KREMEN1: variants seen among roughly 807,000 people sequenced by gnomAD.
KREMEN1 encodes kremen protein 1.
In KREMEN1, 30 loss-of-function variants were observed where a neutral mutation model predicts 46.5. The ratio of observed to expected loss-of-function variants is 0.65; its 90% CI spans 0.48 to 0.88. The LOEUF is 0.88. Ranked by LOEUF, KREMEN1 falls within the 40% of genes least tolerant of loss-of-function variation. The probability of loss-of-function intolerance (pLI) is 0.00; values close to 1 mark genes in which losing one functional copy is unlikely to be tolerated. For missense variants in KREMEN1, 533 were observed against 596.9 expected, an observed-to-expected ratio of 0.89 and a Z score of 1.11; for synonymous variants, 214 against 230.6, an observed-to-expected ratio of 0.93 and a Z score of 0.65.
intron 1 of KREMEN1, among the ~76,000 whole-genome samples, chr22:29,083,958 A>C (rs2037695585): frequency 6.6e-6 from 1 of 152,168 alleles, no homozygotes; most frequent in South Asian, 2.1e-4. Context: ...CTGGTTGGCT[A>C]TTTTTATGGT....
rs2145859167 is a variant in KREMEN1, at chr22:29,144,615, T to C, written c.*2503T>C. On this transcript the variant is annotated 3_prime_UTR_variant, in exon 9 of 9. Transcript: ENST00000400335. Reference sequence around the variant, plus strand: ...CTGTTTGTGGAATCTCTCTCAAACATAAGTGTCAGGTGTGTGTCGTCCCAA... The same window carrying C: ...CTGTTTGTGGAATCTCTCTCAAACACAAGTGTCAGGTGTGTGTCGTCCCAA... 1 of 985,494 alleles carries C rather than the reference T, an allele frequency of 1.0e-6. No homozygotes were observed. Among genetic ancestry groups the C allele is most frequent in the Non-Finnish European group, 1.2e-6 (1 of 829,978 alleles). 61.0% of individuals were successfully genotyped at this position (985,494 alleles called of 1,614,324 possible). A position where few individuals can be genotyped will look rare whatever the true frequency, so the allele number is the denominator to read the frequency against.
At chr22:29,079,500 G>C (rs942881933) in intron 1 of KREMEN1, among the ~76,000 whole-genome samples, 4 of 152,230 alleles carry the variant, frequency 2.6e-5, no homozygotes, top group African/African-American at 9.6e-5. Context: ...CCACAAGGGC[G>C]GGGCCCTGCT....
chr22:29,125,158 G>T, intron 4 of KREMEN1, 105 bp from the exon 5 acceptor site: 1 of 1,294,258 alleles, frequency 7.7e-7, no homozygotes. Flanking sequence ...GGGACCCTGG[G>T]AAGTTGAGGC....
At chr22:29,098,760 A>G (rs1189978816) in intron 2 of KREMEN1, 102 bp from the exon 3 acceptor site, 2 of 860,122 alleles carry the variant, frequency 2.3e-6, no homozygotes, top group Middle Eastern at 2.2e-4. Context: ...TATTAGAAAT[A>G]ATACAGAAGC....
intron 1 of KREMEN1, among the ~76,000 whole-genome samples, chr22:29,081,610 TGC>T (rs1229170985): frequency 6.6e-6 from 1 of 152,202 alleles, no homozygotes; most frequent in African/African-American, 2.4e-5. Context: ...TTATTCTTAT[TGC>T]TCCAAGTGAC....
At chr22:29,106,133 G>A (rs2038055575) in intron 3 of KREMEN1, among the ~76,000 whole-genome samples, 1 of 152,138 alleles carries the variant, frequency 6.6e-6, no homozygotes, top group Non-Finnish European at 1.5e-5. Flanking sequence ...CACTTTCTGT[G>A]TTTTAATGTC....
At chr22:29,164,522 C>T (rs2039037046) in intron 9 of KREMEN1, among the ~76,000 whole-genome samples, 1 of 152,068 alleles carries the variant, frequency 6.6e-6, no homozygotes, top group Non-Finnish European at 1.5e-5. Context: ...CCAAGGCAGG[C>T]AGATCATGAG....
At chr22:29,089,459 C>CA (rs1185967283) in intron 1 of KREMEN1, among the ~76,000 whole-genome samples, 1 of 152,160 alleles carries the variant, frequency 6.6e-6, no homozygotes, top group African/African-American at 2.4e-5. Flanking sequence ...CCACAGCTGC[C>CA]AGCCTAGTCC....
At chr22:29,099,385 C>T (rs12628787) in intron 3 of KREMEN1, 13,874 of 160,244 alleles carry the variant, frequency 0.087, 828 homozygotes, top group African/African-American at 0.16. Context: ...AAATGCCTTG[C>T]TAAATACCAT....
downstream of KREMEN1, among the ~76,000 whole-genome samples, chr22:29,148,185 A>G (rs1383356373): frequency 6.6e-6 from 1 of 152,116 alleles, no homozygotes; most frequent in Non-Finnish European, 1.5e-5. Flanking sequence ...TCGCTGTGGG[A>G]CACTGAGGCA....
chr22:29,117,620 G>C (rs2145804950), intron 3 of KREMEN1, among the ~76,000 whole-genome samples: 1 of 151,940 alleles, frequency 6.6e-6, no homozygotes, highest in East Asian at 1.9e-4. Context: ...CTTTGGAATT[G>C]TATAATACAT....
chr22:29,105,003 C>T (rs530700683), intron 3 of KREMEN1, among the ~76,000 whole-genome samples: 15 of 152,152 alleles, frequency 9.9e-5, no homozygotes, highest in African/African-American at 2.7e-4. Context: ...TTGTACAAAA[C>T]GGGGGACACA....
chr22:29,085,029 G>T (rs1382927338), intron 1 of KREMEN1, among the ~76,000 whole-genome samples: 9 of 152,158 alleles, frequency 5.9e-5, no homozygotes, highest in Admixed American at 5.2e-4. Context: ...CAAAAGGGCA[G>T]CTCGTTCTAT....
rs956726068 is a variant in KREMEN1, at chr22:29,144,848, G to A, written c.*2736G>A. The A allele has an allele frequency of 6.1e-6, 6 of 985,416 alleles. No individual in the cohort carries two copies. The African/African-American group carries it at 7.0e-5, about 11-fold the overall frequency. The allele number at this position is 985,416 out of a possible 1,614,324, so 61.0% of individuals were successfully genotyped here. A position where few individuals can be genotyped will look rare whatever the true frequency, so the allele number is the denominator to read the frequency against. On this transcript the variant is annotated 3_prime_UTR_variant, in exon 9 of 9. Coordinates refer to ENST00000400335, the MANE Select transcript of KREMEN1 (RefSeq NM_001039570.3). The stretch of plus-strand genomic sequence containing the variant: ...GAGGCCATGCCCAAGCCAATGTGCT[G>A]TCACAGCCTGCAGCGGGGGCAGCAC...
rs1430067403 is a variant in KREMEN1, at chr22:29,094,392, G to T, written c.232G>T (p.Gly78Trp). 1.2e-6 allele frequency: 2 copies of T among 1,613,548 alleles called. No homozygotes were observed. The highest frequency in any genetic ancestry group is 1.7e-5 in the Admixed American group (1 of 59,922). ...CACTCTGAAATACCCCAACGGGGAG[G>T]GGGGCCTGGGTGAGCACAACTATTG... is the stretch of plus-strand genomic sequence containing the variant. ...YNTLKYPNGE[G>W]GLGEHNYCRN... is the part of the protein sequence containing the mutation. Residue 78 changes from glycine to tryptophan, a missense_variant, in exon 2 of 9, where the codon GGG becomes TGG. Physicochemically the swap from Gly to Trp is radical, Grantham distance 184. Transcript: ENST00000400335.
In KREMEN1 at chr22:29,131,725, T is replaced by TAC. The variant is rs1278367893; in HGVS notation, c.632-5616_632-5615insCA. 3.6e-4 allele frequency among the ~76,000 whole-genome samples: 49 copies of TAC among 137,906 alleles called. 1 individual carries two copies. The highest frequency in any genetic ancestry group is 1.4e-3 in the African/African-American group (46 of 33,732). 90.5% of individuals were successfully genotyped at this position (137,906 alleles called of 152,430 possible). On this transcript the variant is annotated intron_variant, in intron 5 of 8. Coordinates refer to ENST00000400335, the MANE Select transcript of KREMEN1 (RefSeq NM_001039570.3). ...GTATATATATGTATATATGTATATA[T>TAC]ATGTATATATGTGTATATATATGTA...
intron 2 of KREMEN1, among the ~76,000 whole-genome samples, chr22:29,095,166 G>C (rs1299948808): frequency 6.6e-6 from 1 of 152,056 alleles, no homozygotes; most frequent in Non-Finnish European, 1.5e-5. Flanking sequence ...TTGTGCCTCC[G>C]GCCAGCCCAG....
intron 1 of KREMEN1, among the ~76,000 whole-genome samples, chr22:29,078,935 A>G (rs1479733270): frequency 3.9e-5 from 6 of 152,190 alleles, no homozygotes; most frequent in Non-Finnish European, 7.3e-5. Flanking sequence ...TTCCTTCTAT[A>G]TTCAGTTTGA....
Position 29,078,666 on chromosome 22 carries a change from A to G in KREMEN1, c.97+5439A>G, listed in dbSNP as rs185448838. Among the ~76,000 whole-genome samples the G allele has an allele frequency of 3.4e-3, 515 of 152,360 alleles. 1 individual carries two copies. The highest frequency in any genetic ancestry group is 0.017 in the Middle Eastern group (5 of 294). Reference sequence around the variant, plus strand: ...CTGAAAAAACAAAATGAAACATTCAAACATACCAAGTTGATTGTGCTTGTA... The same window carrying G: ...CTGAAAAAACAAAATGAAACATTCAGACATACCAAGTTGATTGTGCTTGTA... On this transcript the variant is annotated intron_variant, in intron 1 of 8. Coordinates refer to ENST00000400335, the MANE Select transcript of KREMEN1 (RefSeq NM_001039570.3).
Sources: gnomAD v4.1 joint callset for allele counts (sites outside exome capture counted in the v4.1 genomes callset) on GRCh38, gnomAD v4.1.1 for gene constraint, MANE v1.5 for transcripts, NCBI Gene and HGNC (gene_info 2026-07-23, HGNC 2026-07-21) for gene names.